DNAH9: variants seen among roughly 807,000 people sequenced by gnomAD.
The protein encoded by DNAH9 is dynein axonemal heavy chain 9, also known as DNAH9 variant protein.
In DNAH9, 345 loss-of-function variants were observed where a neutral mutation model predicts 471.6. The observed-to-expected ratio is 0.73, with a 90% confidence interval of 0.67 to 0.80. The LOEUF is 0.80. DNAH9 is among the 30% of genes least tolerant of loss of function. DNAH9 has a pLI of 0.00. For synonymous variants in DNAH9, 2,093 were observed against 2,123.6 expected, an observed-to-expected ratio of 0.99 and a Z score of 0.40; for missense variants, 5,407 against 5,609.2, an observed-to-expected ratio of 0.96 and a Z score of 1.15.
intron 35 of DNAH9, among the ~76,000 whole-genome samples, chr17:11,763,033 C>G (rs1312642688): frequency 6.6e-6 from 1 of 151,986 alleles, no homozygotes; most frequent in Non-Finnish European, 1.5e-5. Flanking sequence ...CCCTCCTCAG[C>G]CTCCCAAAGT....
intron 42 of DNAH9, among the ~76,000 whole-genome samples, chr17:11,795,619 C>T (rs1461261982): frequency 6.6e-6 from 1 of 152,162 alleles, no homozygotes; most frequent in African/African-American, 2.4e-5. Context: ...GTTATTGGGG[C>T]CTGATGTTTG....
intron 50 of DNAH9, among the ~76,000 whole-genome samples, chr17:11,856,488 G>A (rs551849929): frequency 3.3e-5 from 5 of 151,104 alleles, no homozygotes; most frequent in African/African-American, 9.7e-5. Context: ...TCATGAGGCC[G>A]GGAGATCGAG....
intron 49 of DNAH9, among the ~76,000 whole-genome samples, chr17:11,837,856 T>C (rs1397018210): frequency 2.6e-5 from 4 of 152,154 alleles, no homozygotes; most frequent in Admixed American, 2.0e-4. Flanking sequence ...TCTCAAATGT[T>C]CCAAGCACAG....
At chr17:11,848,791 C>T (rs1597729653) in intron 49 of DNAH9, among the ~76,000 whole-genome samples, 1 of 151,204 alleles carries the variant, frequency 6.6e-6, no homozygotes, top group African/African-American at 2.4e-5. Flanking sequence ...TGTCCATATA[C>T]AGACTTTTTA....
intron 64 of DNAH9, among the ~76,000 whole-genome samples, chr17:11,933,313 T>C (rs533335081): frequency 6.6e-6 from 1 of 152,260 alleles, no homozygotes; most frequent in Admixed American, 6.5e-5. Context: ...GGAAGGCATA[T>C]ATATATGGGG....
At chr17:11,677,531 C>T (rs1337831975) in intron 17 of DNAH9, among the ~76,000 whole-genome samples, 1 of 152,148 alleles carries the variant, frequency 6.6e-6, no homozygotes, top group Non-Finnish European at 1.5e-5. Flanking sequence ...TTGCTGTGCC[C>T]TTCCATTAGA....
chr17:11,731,497 C>T (rs191953049), intron 28 of DNAH9, among the ~76,000 whole-genome samples: 2 of 150,940 alleles, frequency 1.3e-5, no homozygotes, highest in African/African-American at 4.9e-5. Flanking sequence ...TGTGCTGCAC[C>T]CATTAACTCG....
intron 20 of DNAH9, among the ~76,000 whole-genome samples, chr17:11,691,540 A>G (rs1340899620): frequency 6.6e-6 from 1 of 152,260 alleles, no homozygotes; most frequent in African/African-American, 2.4e-5. Context: ...TGAAAACGTA[A>G]TAAAATCAGC....
Position 11,749,085 on chromosome 17 carries a change from T to G in DNAH9, c.6610+1319T>G, listed in dbSNP as rs200303630. Among the ~76,000 whole-genome samples, 246 of 45,272 alleles carry G rather than the reference T, an allele frequency of 5.4e-3. 2 individuals are homozygous for G. The highest frequency in any genetic ancestry group is 0.013 in the Middle Eastern group (1 of 76). 29.7% of individuals were successfully genotyped at this position (45,272 alleles called of 152,430 possible). ...GAGGGTTTTTTTTTGTTTTTTTTTT[T>G]GTTTTTTTTTTTTTTTTGAGACAGA... is the stretch of plus-strand genomic sequence containing the variant. On this transcript the variant is annotated intron_variant, in intron 32 of 68. Transcript: ENST00000262442.
Position 11,869,269 on chromosome 17 carries a change from AG to A in DNAH9, c.10053+17del, listed in dbSNP as rs750058185. 1 of 1,610,866 alleles carries A rather than the reference AG, an allele frequency of 6.2e-7. No homozygotes were observed. Among genetic ancestry groups the A allele is most frequent in the Non-Finnish European group, 8.5e-7 (1 of 1,178,600 alleles). On this transcript the variant is annotated intron_variant, in intron 51 of 68. Coordinates refer to ENST00000262442, the MANE Select transcript of DNAH9 (RefSeq NM_001372.4). ...CAACCGCCTGGTGAGTGTAAGCCAC[AG>A]CAGCCCGAGCTGTAATTATATTAGC...
intron 22 of DNAH9, among the ~76,000 whole-genome samples, chr17:11,694,700 TTCTCTCTC>T (rs1200407449): frequency 8.8e-4 from 2 of 2,272 alleles, no homozygotes; most frequent in African/African-American, 9.7e-4. Flanking sequence ...CTTTCTCGCT[TTCTCTCTC>T]TCTCTCTCTC....
chr17:11,835,361 A>G (rs1324903516), intron 49 of DNAH9, among the ~76,000 whole-genome samples: 1 of 152,254 alleles, frequency 6.6e-6, no homozygotes, highest in Non-Finnish European at 1.5e-5. Flanking sequence ...TGTTTAAGAT[A>G]AGAGAATAAA....
intron 24 of DNAH9, among the ~76,000 whole-genome samples, chr17:11,701,823 C>T (rs1007102152): frequency 1.3e-5 from 2 of 152,294 alleles, no homozygotes; most frequent in Admixed American, 1.3e-4. Context: ...TGACTACAGG[C>T]ATGCGCCACC....
intron 50 of DNAH9, among the ~76,000 whole-genome samples, chr17:11,855,825 C>T (rs1200848954): frequency 6.6e-6 from 1 of 152,204 alleles, no homozygotes; most frequent in Non-Finnish European, 1.5e-5. Context: ...TTCCACATAG[C>T]TTAGTTCCAA....
At chr17:11,749,284 C>T (rs1209966015) in intron 32 of DNAH9, among the ~76,000 whole-genome samples, 4 of 151,826 alleles carry the variant, frequency 2.6e-5, no homozygotes, top group African/African-American at 9.7e-5. Flanking sequence ...CAGGGTTTCA[C>T]CGTGTCAGCC....
intron 48 of DNAH9, among the ~76,000 whole-genome samples, chr17:11,834,095 G>A (rs1425671164): frequency 6.6e-6 from 1 of 152,056 alleles, no homozygotes; most frequent in African/African-American, 2.4e-5. Flanking sequence ...TTGGGAGGCT[G>A]AGGCTGACAG....
At chr17:11,898,593 C>T (rs1409126301) in intron 59 of DNAH9, among the ~76,000 whole-genome samples, 5 of 152,156 alleles carry the variant, frequency 3.3e-5, no homozygotes, top group South Asian at 2.1e-4. Flanking sequence ...CACCCCATAA[C>T]AATTATGATG....
In DNAH9 at chr17:11,969,461, C is replaced by A. The variant is rs1338512739; in HGVS notation, c.13395C>A (p.Asn4465Lys). The part of the protein sequence containing the change: ...QRGPTYVWTF[N>K]LKTKENPSKW... ...GACCCACCTACGTGTGGACTTTCAA[C>A]CTGAAGACTAAGGAAAACCCATCCA... Residue 4465 changes from asparagine to lysine, a missense_variant, in exon 69 of 69, where the codon AAC (asparagine) becomes AAA (lysine). Coordinates refer to ENST00000262442, the MANE Select transcript of DNAH9 (RefSeq NM_001372.4). 1 of 1,613,862 alleles carries A rather than the reference C, an allele frequency of 6.2e-7. No individual in the cohort carries two copies. Among genetic ancestry groups the A allele is most frequent in the South Asian group, 1.1e-5 (1 of 91,060 alleles).
At chr17:11,969,152 G>A in intron 68 of DNAH9, 148 bp from the exon 69 acceptor site, 1 of 648,838 alleles carries the variant, frequency 1.5e-6, no homozygotes, top group South Asian at 1.9e-5. Flanking sequence ...TTCCATCAAA[G>A]GCTGCTGAGA....
Sources: allele counts gnomAD v4.1 joint callset (sites outside exome capture counted in the v4.1 genomes callset), GRCh38; gene constraint gnomAD v4.1.1; transcripts MANE v1.5; gene names NCBI Gene and HGNC (gene_info 2026-07-23, HGNC 2026-07-21).